The following CSMD1 variants were observed in gnomAD, a reference collection of about 807,000 sequenced individuals.
The protein encoded by CSMD1 is CUB and sushi domain-containing protein 1.
Under a neutral mutation model 417.5 loss-of-function variants are expected in CSMD1, and 213 were observed. That is an observed-to-expected ratio of 0.51 (90% confidence interval 0.46 to 0.57). The LOEUF (loss-of-function observed/expected upper bound fraction) is 0.57, where lower values mean the gene tolerates loss of function less well. Ranked by LOEUF, CSMD1 falls within the 20% of genes least tolerant of loss-of-function variation. The probability of loss-of-function intolerance (pLI) is 0.00; values close to 1 mark genes in which losing one functional copy is unlikely to be tolerated. For missense variants in CSMD1, 6,923 were observed against 4,529.7 expected, an observed-to-expected ratio of 1.53 and a Z score of -15.17; for synonymous variants, 2,862 against 1,736.8, an observed-to-expected ratio of 1.65 and a Z score of -16.11.
intron 3 of CSMD1, among the ~76,000 whole-genome samples, chr8:4,099,834 C>G (rs1214612144): frequency 3.9e-5 from 6 of 152,126 alleles, no homozygotes; most frequent in African/African-American, 1.4e-4. Flanking sequence ...CCACATCTTG[C>G]TCCCTTAGAA....
chr8:4,441,434 AC>A (rs1798476714), intron 2 of CSMD1, among the ~76,000 whole-genome samples: 1 of 151,710 alleles, frequency 6.6e-6, no homozygotes, highest in Non-Finnish European at 1.5e-5. Context: ...CTTTAAGATT[AC>A]TTTCTTAAAA....
chr8:4,914,194 T>C (rs1805896240), intron 1 of CSMD1, among the ~76,000 whole-genome samples: 1 of 152,222 alleles, frequency 6.6e-6, no homozygotes, highest in Admixed American at 6.5e-5. Context: ...TGAGACTCTA[T>C]AGTATTACAG....
At chr8:4,963,904 T>C (rs1809679644) in intron 1 of CSMD1, among the ~76,000 whole-genome samples, 1 of 152,128 alleles carries the variant, frequency 6.6e-6, no homozygotes, top group African/African-American at 2.4e-5. Context: ...CTATCAAATA[T>C]TTTATACACC....
rs190136335 is a variant in CSMD1 at position 3,126,545 on chromosome 8, G to C, written c.6242-7958C>G. On this transcript the variant is annotated intron_variant, in intron 41 of 69. Transcript: ENST00000635120. ...GATCCATCTGGGGTCTCAGTAGCAT[G>C]TCAGCCATGAATGGTAGTCCACAGA... is the stretch of plus-strand genomic sequence containing the variant. Among the ~76,000 whole-genome samples, 312 of 152,266 alleles carry C rather than the reference G, an allele frequency of 2.0e-3. 2 individuals carry two copies. Among genetic ancestry groups the C allele is most frequent in the African/African-American group, 7.0e-3 (290 of 41,574 alleles).
At chr8:3,331,519 G>A (rs372001685) in intron 23 of CSMD1, among the ~76,000 whole-genome samples, 2 of 152,182 alleles carry the variant, frequency 1.3e-5, no homozygotes, top group African/African-American at 4.8e-5. Context: ...ACTAATGATA[G>A]GACCTTAACT....
In CSMD1 at chr8:4,694,938, G is replaced by A. The variant is rs185921802; in HGVS notation, c.86-57380C>T. 1.7e-3 allele frequency among the ~76,000 whole-genome samples: 256 copies of A among 152,164 alleles called. 1 individual carries two copies. The highest frequency in any genetic ancestry group is 6.8e-3 in the Middle Eastern group (2 of 294). ...CAAGGAAACTTCTCTAAAGCACTAT[G>A]AACATACAGGTTCTAGGTTCTTGTA... On this transcript the variant is annotated intron_variant, in intron 1 of 69. Coordinates refer to ENST00000635120, the MANE Select transcript of CSMD1 (RefSeq NM_033225.6).
chr8:3,822,514 G>A (rs927516370), intron 5 of CSMD1, among the ~76,000 whole-genome samples: 3 of 152,196 alleles, frequency 2.0e-5, no homozygotes, highest in African/African-American at 4.8e-5. Flanking sequence ...CTCATGCACA[G>A]CAAAGTTAAT....
intron 1 of CSMD1, among the ~76,000 whole-genome samples, chr8:4,650,116 C>T (rs559058532): frequency 3.2e-4 from 48 of 152,154 alleles, no homozygotes; most frequent in African/African-American, 1.1e-3. Flanking sequence ...GAGGCCGAGG[C>T]GGGCGGATCA....
rs866226465 is a variant in CSMD1 at position 3,394,054 on chromosome 8, A to G, written c.2593+2140T>C. On this transcript the variant is annotated intron_variant, in intron 17 of 69. Transcript: ENST00000635120. ...TATATATATATATATATATATATAT[A>G]TAGAAAAAAAGAAAAATGGCAAAGA... is the stretch of plus-strand genomic sequence containing the variant. Among the ~76,000 whole-genome samples, 217 of 127,538 alleles carry G rather than the reference A, an allele frequency of 1.7e-3. 1 individual carries two copies. Among genetic ancestry groups the G allele is most frequent in the Non-Finnish European group, 3.0e-3 (178 of 58,378 alleles). 83.7% of individuals were successfully genotyped at this position (127,538 alleles called of 152,430 possible).
chr8:4,351,671 C>G (rs1361576692), intron 3 of CSMD1, among the ~76,000 whole-genome samples: 1 of 152,148 alleles, frequency 6.6e-6, no homozygotes, highest in East Asian at 1.9e-4. Flanking sequence ...GGCAAGATGT[C>G]TTCCAAGAGG....
At chr8:3,355,710 T>C (rs13254065) in intron 21 of CSMD1, among the ~76,000 whole-genome samples, 60,143 of 152,018 alleles carry the variant, frequency 0.4, 12,020 homozygotes, top group South Asian at 0.44. Flanking sequence ...TTCTTGTTGA[T>C]GAGGTTGAAC....
intron 3 of CSMD1, among the ~76,000 whole-genome samples, chr8:4,316,426 G>A (rs929480081): frequency 6.6e-6 from 1 of 152,202 alleles, no homozygotes; most frequent in African/African-American, 2.4e-5. Context: ...TCATATATTA[G>A]GTTGATGTGA....
At chr8:3,227,196 C>G (rs113725963) in intron 27 of CSMD1, among the ~76,000 whole-genome samples, 10,950 of 151,998 alleles carry the variant, frequency 0.072, 446 homozygotes, top group South Asian at 0.11. Flanking sequence ...GTCAGGAATT[C>G]GAGACCAGCC....
At chr8:3,981,143 T>A (rs191657663) in intron 5 of CSMD1, among the ~76,000 whole-genome samples, 33 of 152,274 alleles carry the variant, frequency 2.2e-4, no homozygotes, top group Non-Finnish European at 4.3e-4. Context: ...TGGAAAACAG[T>A]GATAGTTACG....
intron 8 of CSMD1, among the ~76,000 whole-genome samples, chr8:3,587,981 T>C (rs531824557): frequency 1.3e-5 from 2 of 152,296 alleles, no homozygotes; most frequent in South Asian, 4.2e-4. Flanking sequence ...TTTTCATTGC[T>C]AGCCATCACA....
At chr8:3,654,092 G>C (rs764876110) in intron 7 of CSMD1, among the ~76,000 whole-genome samples, 12 of 152,140 alleles carry the variant, frequency 7.9e-5, no homozygotes, top group Non-Finnish European at 1.6e-4. Context: ...TTTTCTGTTA[G>C]AGTAGAGGGT....
intron 3 of CSMD1, among the ~76,000 whole-genome samples, chr8:4,054,024 A>G (rs543916129): frequency 1.3e-5 from 2 of 152,200 alleles, no homozygotes; most frequent in Non-Finnish European, 2.9e-5. Flanking sequence ...CAACATGGCC[A>G]CAGCTTTGCT....
chr8:4,581,624 C>T (rs1045069253), intron 2 of CSMD1, among the ~76,000 whole-genome samples: 2 of 152,140 alleles, frequency 1.3e-5, no homozygotes, highest in Admixed American at 6.5e-5. Flanking sequence ...ATTGATTCCT[C>T]AGTGTTAAAA....
chr8:3,708,951 C>G (rs562973060), intron 6 of CSMD1, among the ~76,000 whole-genome samples: 1 of 152,062 alleles, frequency 6.6e-6, no homozygotes, highest in Non-Finnish European at 1.5e-5. Flanking sequence ...CACAGTTTAG[C>G]GAATCTGTGT....
Sources: gnomAD v4.1 joint callset for allele counts (sites outside exome capture counted in the v4.1 genomes callset) on GRCh38, gnomAD v4.1.1 for gene constraint, MANE v1.5 for transcripts, NCBI Gene and HGNC (gene_info 2026-07-23, HGNC 2026-07-21) for gene names.